The following VPS41 variants were observed in gnomAD, a reference collection of about 807,000 sequenced individuals.
VPS41 encodes vacuolar protein sorting-associated protein 41 homolog.
VPS41 carries 85 observed loss-of-function variants against 130.9 expected under a neutral mutation model. The observed-to-expected ratio is 0.65, with a 90% CI of 0.55 to 0.78. VPS41 has a LOEUF of 0.78. Ranked by LOEUF, VPS41 falls within the 30% of genes least tolerant of loss-of-function variation. The probability of loss-of-function intolerance (pLI) is 0.00; values close to 1 mark genes in which losing one functional copy is unlikely to be tolerated. For missense variants in VPS41, 874 were observed against 1,018.7 expected (o/e 0.86, Z 1.93); for synonymous variants, 335 against 332.9 (o/e 1.01, Z -0.07).
rs1451801126 is a variant in VPS41 at position 38,743,511 on chromosome 7, C to T, written c.2013G>A (p.Lys671=). Residue 671 remains lysine (K), a synonymous_variant, in exon 24 of 29, where the codon AAG becomes AAA. Transcript: ENST00000310301. ...SRMGNSRSAL[K]MIMEELHDVD... ...CATCATGTAATTCCTCCATAATCAT[C>T]TTCAGGGCACTTCGGCTATTACCCA... 1.2e-6 allele frequency: 2 copies of T among 1,613,816 alleles called. No homozygotes were observed. Among genetic ancestry groups the T allele is most frequent in the Non-Finnish European group, 1.7e-6 (2 of 1,179,864 alleles).
At chr7:38,901,302 T>A (rs2116450794) in intron 1 of VPS41, among the ~76,000 whole-genome samples, 1 of 152,318 alleles carries the variant, frequency 6.6e-6, no homozygotes, top group South Asian at 2.1e-4. Flanking sequence ...TACATTTGTG[T>A]TGCTCTAAAG....
chr7:38,737,714 C>T (rs1281948331), intron 25 of VPS41, among the ~76,000 whole-genome samples: 1 of 152,146 alleles, frequency 6.6e-6, no homozygotes, highest in Admixed American at 6.5e-5. Context: ...TAACACAAGT[C>T]CAGAGGAGTT....
Position 38,866,539 on chromosome 7 carries a change from A to T in VPS41, c.168+2607T>A, listed in dbSNP as rs377467828. ...CCACCAAATGGGATAAAGAACAAAGATAGATCCAAGTTTAGAGGGAAATGA... is the reference window on the plus strand; with the variant it reads ...CCACCAAATGGGATAAAGAACAAAGTTAGATCCAAGTTTAGAGGGAAATGA... On this transcript the variant is annotated intron_variant, in intron 3 of 28. Transcript: ENST00000310301. Among the ~76,000 whole-genome samples the T allele has an allele frequency of 5.4e-4, 83 of 152,308 alleles. 4 individuals are homozygous for T. In the South Asian group the frequency reaches 0.016, roughly 30 times the overall value.
chr7:38,779,821 A>C (rs1212489787), intron 10 of VPS41, among the ~76,000 whole-genome samples: 1 of 152,232 alleles, frequency 6.6e-6, no homozygotes, highest in Non-Finnish European at 1.5e-5. Flanking sequence ...ATTCTTGTAA[A>C]AAATGCACAT....
At chr7:38,762,009 A>AT (rs1461246365) in intron 17 of VPS41, among the ~76,000 whole-genome samples, 4 of 152,118 alleles carry the variant, frequency 2.6e-5, no homozygotes, top group Non-Finnish European at 5.9e-5. Context: ...GTTTGGCCTC[A>AT]TTTTTTCTTT....
intron 2 of VPS41, among the ~76,000 whole-genome samples, chr7:38,879,405 G>A (rs1786554843): frequency 6.6e-6 from 1 of 151,974 alleles, no homozygotes; most frequent in Non-Finnish European, 1.5e-5. Context: ...CTTCCTCTGT[G>A]GATTAACTCA....
At chr7:38,756,345 CAATAA>C (rs1166064747) in intron 19 of VPS41, among the ~76,000 whole-genome samples, 1 of 151,864 alleles carries the variant, frequency 6.6e-6, no homozygotes, top group Non-Finnish European at 1.5e-5. Context: ...ATTTGTCACA[CAATAA>C]AATAACATTC....
chr7:38,875,693 A>C (rs1288401242), intron 2 of VPS41, among the ~76,000 whole-genome samples: 2 of 152,230 alleles, frequency 1.3e-5, no homozygotes, highest in African/African-American at 4.8e-5. Context: ...AAACTTTTTA[A>C]GAAAGTGACA....
At position 38,795,472 on chromosome 7, in the gene VPS41, G is replaced by T; in HGVS notation, c.710C>A (p.Ser237Tyr). 3 of 1,611,088 alleles carry T rather than the reference G, an allele frequency of 1.9e-6. No individual in the cohort carries two copies. The highest frequency in any genetic ancestry group is 2.5e-6 in the Non-Finnish European group (3 of 1,178,438). Reference sequence around the variant, plus strand: ...AAAGACAAGCAAAACCACCTTGACAGAAGTCCCCCAGCCAATAATCAGTGT... The same window carrying T: ...AAAGACAAGCAAAACCACCTTGACATAAGTCCCCCAGCCAATAATCAGTGT... Reference protein sequence around the residue: ...NVTLIIGWGTSVKVCSVKERH... With the variant: ...NVTLIIGWGTYVKVCSVKERH... Residue 237 changes from serine to tyrosine, a missense_variant, in exon 9 of 29, where the codon TCT becomes TAT. Ser to Tyr is a moderately radical substitution (Grantham distance 144). Transcript: ENST00000310301.
intron 25 of VPS41, 67 bp from the exon 26 acceptor site, chr7:38,728,858 T>C (rs1795602139): frequency 7.2e-7 from 1 of 1,381,842 alleles, no homozygotes; most frequent in South Asian, 1.2e-5. Context: ...GAAGGGACAC[T>C]GTACTGGGGA....
intron 7 of VPS41, among the ~76,000 whole-genome samples, chr7:38,811,918 C>T (rs1205516717): frequency 2.0e-5 from 3 of 152,016 alleles, no homozygotes; most frequent in Non-Finnish European, 4.4e-5. Flanking sequence ...CAATAAATTA[C>T]ATTATATATT....
chr7:38,794,042 T>A (rs973394938), intron 9 of VPS41, among the ~76,000 whole-genome samples: 2 of 152,216 alleles, frequency 1.3e-5, no homozygotes, highest in Non-Finnish European at 2.9e-5. Context: ...TTATTCAGCA[T>A]ACCAGAGAAA....
intron 2 of VPS41, among the ~76,000 whole-genome samples, chr7:38,887,018 C>T (rs1307955060): frequency 6.6e-6 from 1 of 152,194 alleles, no homozygotes; most frequent in Non-Finnish European, 1.5e-5. Flanking sequence ...AAATCCCATA[C>T]ATAGGTCACC....
chr7:38,757,712 T>C (rs1783827823), intron 18 of VPS41, among the ~76,000 whole-genome samples: 1 of 152,048 alleles, frequency 6.6e-6, no homozygotes, highest in Non-Finnish European at 1.5e-5. Context: ...TGGCCTGAGG[T>C]GATGGGGGCA....
chr7:38,789,573 C>T (rs761595429), intron 10 of VPS41, among the ~76,000 whole-genome samples: 1 of 152,142 alleles, frequency 6.6e-6, no homozygotes, highest in Non-Finnish European at 1.5e-5. Context: ...TCCATCTGCA[C>T]TCTGAGAACG....
At chr7:38,833,176 C>T (rs1338580135) in intron 4 of VPS41, among the ~76,000 whole-genome samples, 1 of 152,132 alleles carries the variant, frequency 6.6e-6, no homozygotes. Context: ...CACATTTCAC[C>T]ACCCCTACAG....
intron 4 of VPS41, among the ~76,000 whole-genome samples, chr7:38,861,544 A>G (rs1786114419): frequency 6.6e-6 from 1 of 152,168 alleles, no homozygotes; most frequent in South Asian, 2.1e-4. Flanking sequence ...TGTTGCTCCA[A>G]AGATTGTCCT....
At chr7:38,729,612 C>T (rs1795617524) in intron 25 of VPS41, among the ~76,000 whole-genome samples, 1 of 152,198 alleles carries the variant, frequency 6.6e-6, no homozygotes, top group African/African-American at 2.4e-5. Context: ...TTCCTCCCTT[C>T]CTGCCTGGAG....
intron 4 of VPS41, among the ~76,000 whole-genome samples, chr7:38,838,231 A>C (rs904611690): frequency 2.0e-5 from 3 of 152,202 alleles, no homozygotes; most frequent in Non-Finnish European, 2.9e-5. Flanking sequence ...AACAGGAAAA[A>C]AAACAAACAA....
Sources: allele counts gnomAD v4.1 joint callset (sites outside exome capture counted in the v4.1 genomes callset), GRCh38; gene constraint gnomAD v4.1.1; transcripts MANE v1.5; gene names NCBI Gene and HGNC (gene_info 2026-07-23, HGNC 2026-07-21).